Variants in STK32B observed in about 807,000 individuals in gnomAD.
The protein encoded by STK32B is serine/threonine kinase 32B, also known as serine/threonine-protein kinase 32B.
STK32B carries 43 observed loss-of-function variants against 52.6 expected under a neutral mutation model. The observed-to-expected ratio is 0.82, with a 90% confidence interval of 0.64 to 1.05. The LOEUF is 1.05. STK32B is among the 50% of genes least tolerant of loss of function. The probability of loss-of-function intolerance (pLI) is 0.00; values close to 1 mark genes in which losing one functional copy is unlikely to be tolerated. For missense variants in STK32B, 621 were observed against 534.6 expected (o/e 1.16, Z -1.59); for synonymous variants, 238 against 204.3 (o/e 1.17, Z -1.41).
At position 5,130,011 on chromosome 4, in the gene STK32B, G is replaced by A. The variant is rs371429214; in HGVS notation, c.53-9894G>A. ...GGAGTTGACATCCCAAAGGAGAGGT[G>A]CAGACAATAAACAAGTCAGTAGGAG... is the stretch of plus-strand genomic sequence containing the variant. On this transcript the variant is annotated intron_variant, in intron 1 of 11. Transcript: ENST00000282908. Among the ~76,000 whole-genome samples, 67 of 152,240 alleles carry A rather than the reference G, an allele frequency of 4.4e-4. 1 individual carries two copies. In the South Asian group the frequency reaches 0.013, roughly 30 times the overall value.
At chr4:5,200,104 G>T (rs1428897380) in intron 3 of STK32B, among the ~76,000 whole-genome samples, 1 of 152,078 alleles carries the variant, frequency 6.6e-6, no homozygotes, top group African/African-American at 2.4e-5. Flanking sequence ...TTAAGTCTCA[G>T]TTTCATCATC....
intron 3 of STK32B, among the ~76,000 whole-genome samples, chr4:5,284,143 T>C (rs1335048798): frequency 6.6e-6 from 1 of 152,182 alleles, no homozygotes; most frequent in Non-Finnish European, 1.5e-5. Flanking sequence ...TAAAGGCACA[T>C]TTTTATCATC....
intron 3 of STK32B, among the ~76,000 whole-genome samples, chr4:5,317,472 T>C (rs1560314213): frequency 2.9e-5 from 3 of 104,014 alleles, no homozygotes; most frequent in Admixed American, 1.3e-4. Context: ...ATATGTATAA[T>C]ATATATATTA....
At chr4:5,328,675 T>G (rs1732029900) in intron 3 of STK32B, among the ~76,000 whole-genome samples, 1 of 152,210 alleles carries the variant, frequency 6.6e-6, no homozygotes, top group African/African-American at 2.4e-5. Flanking sequence ...TTTGAAATTT[T>G]GCAAGAATTA....
chr4:5,301,968 T>C (rs1729587230), intron 3 of STK32B, among the ~76,000 whole-genome samples: 1 of 151,422 alleles, frequency 6.6e-6, no homozygotes, highest in Non-Finnish European at 1.5e-5. Context: ...ACTTTGTAAT[T>C]TTTTTATATG....
chr4:5,290,646 CTTTACT>C (rs1728841488), intron 3 of STK32B, among the ~76,000 whole-genome samples: 2 of 151,370 alleles, frequency 1.3e-5, no homozygotes, highest in Admixed American at 1.3e-4. Context: ...TACATGTAAA[CTTTACT>C]TTTACTTTAA....
At chr4:5,137,972 C>T (rs1336438524) in intron 1 of STK32B, among the ~76,000 whole-genome samples, 1 of 152,288 alleles carries the variant, frequency 6.6e-6, no homozygotes, top group East Asian at 1.9e-4. Context: ...GACAGTGGTA[C>T]CTGCCCCGTG....
chr4:5,098,266 G>T (rs1456775807), intron 1 of STK32B, among the ~76,000 whole-genome samples: 2 of 152,198 alleles, frequency 1.3e-5, no homozygotes, highest in Non-Finnish European at 2.9e-5. Context: ...GACTTGTTAT[G>T]TTTACAGTAC....
chr4:5,492,850 T>C (rs543226456), intron 11 of STK32B, among the ~76,000 whole-genome samples: 3 of 151,268 alleles, frequency 2.0e-5, no homozygotes, highest in South Asian at 4.2e-4. Context: ...GTTTTTGTCT[T>C]TGGTTCTGTT....
chr4:5,296,711 T>G (rs951872603), intron 3 of STK32B, among the ~76,000 whole-genome samples: 1 of 152,212 alleles, frequency 6.6e-6, no homozygotes, highest in Admixed American at 6.5e-5. Context: ...TCTTGACTCC[T>G]TATCCAATTT....
At chr4:5,137,455 G>A (rs566523608) in intron 1 of STK32B, among the ~76,000 whole-genome samples, 53 of 152,286 alleles carry the variant, frequency 3.5e-4, no homozygotes, top group African/African-American at 8.4e-4. Flanking sequence ...AAGAGGCCAC[G>A]GATGTGTAAG....
chr4:5,108,063 C>G (rs1042524594), intron 1 of STK32B, among the ~76,000 whole-genome samples: 1 of 152,162 alleles, frequency 6.6e-6, no homozygotes, highest in Non-Finnish European at 1.5e-5. Context: ...TGTAGCCACT[C>G]CAGGGTAACC....
intron 2 of STK32B, among the ~76,000 whole-genome samples, chr4:5,143,125 G>GTCTGTCTA (rs1363299265): frequency 1.2e-4 from 12 of 99,998 alleles, no homozygotes; most frequent in Non-Finnish European, 1.1e-4. Context: ...CTGTCTGTCT[G>GTCTGTCTA]TCTGTCTATC....
chr4:5,269,941 G>T (rs534653525), intron 3 of STK32B, among the ~76,000 whole-genome samples: 231 of 152,196 alleles, frequency 1.5e-3, no homozygotes, highest in African/African-American at 5.0e-3. Flanking sequence ...AGAAATTTAA[G>T]GTTGGTTTAA....
At chr4:5,107,560 C>T (rs1291476448) in intron 1 of STK32B, among the ~76,000 whole-genome samples, 2 of 152,114 alleles carry the variant, frequency 1.3e-5, no homozygotes, top group Non-Finnish European at 2.9e-5. Flanking sequence ...GGTAATTTTA[C>T]AAGCCATCAA....
At chr4:5,417,866 C>T (rs1325091416) in intron 6 of STK32B, among the ~76,000 whole-genome samples, 1 of 152,218 alleles carries the variant, frequency 6.6e-6, no homozygotes, top group African/African-American at 2.4e-5. Flanking sequence ...ACGCATTCAA[C>T]TGGTAGGTCA....
intron 4 of STK32B, among the ~76,000 whole-genome samples, chr4:5,375,341 C>G (rs1467138849): frequency 2.0e-5 from 3 of 152,238 alleles, no homozygotes; most frequent in African/African-American, 7.2e-5. Flanking sequence ...ACAGACCCCT[C>G]TGCTTCCACG....
intron 3 of STK32B, among the ~76,000 whole-genome samples, chr4:5,255,116 G>A (rs1726208239): frequency 1.3e-5 from 2 of 152,078 alleles, no homozygotes; most frequent in Admixed American, 1.3e-4. Context: ...AGAATGGTAT[G>A]TTACTTTAAA....
chr4:5,285,466 T>C (rs1408140435), intron 3 of STK32B, among the ~76,000 whole-genome samples: 1 of 152,126 alleles, frequency 6.6e-6, no homozygotes, highest in Non-Finnish European at 1.5e-5. Context: ...ATGAAGATAG[T>C]GAAAGACAGG....
Sources: gnomAD v4.1 joint callset for allele counts (sites outside exome capture counted in the v4.1 genomes callset) on GRCh38, gnomAD v4.1.1 for gene constraint, MANE v1.5 for transcripts, NCBI Gene and HGNC (gene_info 2026-07-23, HGNC 2026-07-21) for gene names.